The following GRK3 variants were observed in gnomAD, a reference collection of about 807,000 sequenced individuals.
GRK3 encodes G protein-coupled receptor kinase 3.
GRK3 carries 54 observed loss-of-function variants against 95.7 expected under a neutral mutation model. The ratio of observed to expected loss-of-function variants is 0.56; its 90% CI spans 0.45 to 0.71. The LOEUF (loss-of-function observed/expected upper bound fraction) is 0.71, where lower values mean the gene tolerates loss of function less well. Ranked by LOEUF, GRK3 falls within the 30% of genes least tolerant of loss-of-function variation. The pLI is 0.00. For missense variants in GRK3, 649 were observed against 851.2 expected (o/e 0.76, Z 2.96); for synonymous variants, 281 against 290.8 (o/e 0.97, Z 0.34).
At chr22:25,703,657 C>A (rs2085275629) in intron 14 of GRK3, 81 bp downstream of exon 14, 1 of 1,074,894 alleles carries the variant, frequency 9.3e-7, no homozygotes, top group South Asian at 1.5e-5. Flanking sequence ...AATGCTATTA[C>A]ATAAAATGTT....
chr22:25,703,478 T>C (rs1347526409), intron 13 of GRK3, 32 bp from the exon 14 acceptor site: 1 of 1,555,410 alleles, frequency 6.4e-7, no homozygotes, highest in East Asian at 2.2e-5. Flanking sequence ...CCTGATGCCA[T>C]ATTTTGATAG....
At chr22:25,593,951 C>T (rs1165348185) in intron 1 of GRK3, among the ~76,000 whole-genome samples, 1 of 152,056 alleles carries the variant, frequency 6.6e-6, no homozygotes, top group African/African-American at 2.4e-5. Context: ...TCTTCTATTC[C>T]ACTGGTCTGT....
At chr22:25,568,749 A>G (rs1931582252) in intron 1 of GRK3, among the ~76,000 whole-genome samples, 1 of 152,210 alleles carries the variant, frequency 6.6e-6, no homozygotes, top group Middle Eastern at 3.2e-3. Context: ...TGAAGATTTT[A>G]TTTAACCACA....
intron 15 of GRK3, among the ~76,000 whole-genome samples, chr22:25,707,660 T>C (rs2146459912): frequency 6.6e-6 from 1 of 152,294 alleles, no homozygotes; most frequent in South Asian, 2.1e-4. Context: ...GAATCAGTGC[T>C]CCCGTGATCC....
chr22:25,677,923 G>A (rs909399465), intron 8 of GRK3, among the ~76,000 whole-genome samples: 2 of 152,088 alleles, frequency 1.3e-5, no homozygotes, highest in African/African-American at 2.4e-5. Flanking sequence ...GTTTGTTCCA[G>A]GTTTTCAAAA....
intron 2 of GRK3, among the ~76,000 whole-genome samples, chr22:25,625,930 C>G (rs575611418): frequency 3.3e-5 from 5 of 152,342 alleles, no homozygotes; most frequent in African/African-American, 4.8e-5. Context: ...ACACTCTTTA[C>G]CCTGCCCTTT....
At chr22:25,621,736 T>C (rs1156991409) in intron 2 of GRK3, among the ~76,000 whole-genome samples, 1 of 152,240 alleles carries the variant, frequency 6.6e-6, no homozygotes, top group African/African-American at 2.4e-5. Context: ...ACCCTTAAAG[T>C]TGAGCCCAGC....
intron 2 of GRK3, among the ~76,000 whole-genome samples, chr22:25,609,628 C>A (rs2084480555): frequency 6.6e-6 from 1 of 152,024 alleles, no homozygotes; most frequent in African/African-American, 2.4e-5. Context: ...ATGTGCCCAG[C>A]CCCCAAATCG....
chr22:25,722,563 G>A lies in GRK3; in HGVS notation c.*113G>A, dbSNP rs939257050. 18 of 1,162,998 alleles carry A rather than the reference G, an allele frequency of 1.5e-5. No homozygotes were observed. The highest frequency in any genetic ancestry group is 1.6e-5 in the Non-Finnish European group (13 of 828,988). The allele number at this position is 1,162,998 out of a possible 1,614,324, so 72.0% of individuals were successfully genotyped here. A position where few individuals can be genotyped will look rare whatever the true frequency, so the allele number is the denominator to read the frequency against. On this transcript the variant is annotated 3_prime_UTR_variant, in exon 21 of 21. Coordinates refer to ENST00000324198, the MANE Select transcript of GRK3 (RefSeq NM_005160.4). ...GCTACCGGGACTCCTCCAGGCTCCC[G>A]AGAGGAGTCGGGACCCTTCGGCTTG...
At chr22:25,572,221 T>C (rs1601442795) in intron 1 of GRK3, among the ~76,000 whole-genome samples, 1 of 152,172 alleles carries the variant, frequency 6.6e-6, no homozygotes, top group Non-Finnish European at 1.5e-5. Flanking sequence ...TATTCCATGG[T>C]GTATATGTGC....
At chr22:25,654,239 A>C (rs1017812682) in intron 3 of GRK3, among the ~76,000 whole-genome samples, 3 of 152,234 alleles carry the variant, frequency 2.0e-5, no homozygotes, top group African/African-American at 7.2e-5. Context: ...AAATATATTT[A>C]AGAAATGATA....
chr22:25,704,670 C>G (rs2085286103), intron 15 of GRK3, among the ~76,000 whole-genome samples: 1 of 152,266 alleles, frequency 6.6e-6, no homozygotes, highest in Non-Finnish European at 1.5e-5. Flanking sequence ...CTTGGCCTCT[C>G]AAAGTGCTGG....
chr22:25,676,375 G>A (rs1324499308), intron 8 of GRK3, among the ~76,000 whole-genome samples: 2 of 152,114 alleles, frequency 1.3e-5, no homozygotes, highest in Admixed American at 6.5e-5. Context: ...AGAATATCTA[G>A]TCAGACACTT....
At chr22:25,629,735 G>T (rs549265243) in intron 2 of GRK3, among the ~76,000 whole-genome samples, 1 of 152,158 alleles carries the variant, frequency 6.6e-6, no homozygotes, top group Non-Finnish European at 1.5e-5. Context: ...AACACCCATG[G>T]AAAGTTTCAA....
intron 18 of GRK3, among the ~76,000 whole-genome samples, chr22:25,716,215 C>G: frequency 6.6e-6 from 1 of 152,082 alleles, no homozygotes; most frequent in East Asian, 1.9e-4. Context: ...GTCTTGAACT[C>G]CTGACCTCAT....
In GRK3 at chr22:25,714,452, C is replaced by T. The variant is rs749382880; in HGVS notation, c.1536C>T (p.Val512=). 1 of 1,613,432 alleles carries T rather than the reference C, an allele frequency of 6.2e-7. No individual in the cohort carries two copies. The highest frequency in any genetic ancestry group is 1.1e-5 in the South Asian group (1 of 90,802). ...DQELYKNFPL[V]ISERWQQEVT... Reference sequence around the variant, plus strand: ...AACTCTACAAGAACTTCCCTTTGGTCATCTCTGAACGCTGGCAGCAAGAAG... The same window carrying T: ...AACTCTACAAGAACTTCCCTTTGGTTATCTCTGAACGCTGGCAGCAAGAAG... Residue 512 remains valine (V), a synonymous_variant, in exon 18 of 21, where the codon GTC becomes GTT. Transcript: ENST00000324198.
chr22:25,631,052 T>C (rs887337947), intron 2 of GRK3, among the ~76,000 whole-genome samples: 2 of 151,626 alleles, frequency 1.3e-5, no homozygotes, highest in Non-Finnish European at 2.9e-5. Flanking sequence ...TTGATTTATG[T>C]TTATTTGCTC....
Position 25,727,884 on chromosome 22 carries a change from A to T in GRK3, c.*5434A>T, listed in dbSNP as rs2085486843. 1 of 152,200 alleles carries T rather than the reference A, an allele frequency of 6.6e-6. No individual in the cohort carries two copies. The highest frequency in any genetic ancestry group is 2.4e-5 in the African/African-American group (1 of 41,454). 9.4% of individuals were successfully genotyped at this position (152,200 alleles called of 1,614,324 possible). On this transcript the variant is annotated 3_prime_UTR_variant, in exon 21 of 21. Coordinates refer to ENST00000324198, the MANE Select transcript of GRK3 (RefSeq NM_005160.4). ...ATTATATGTGGTTTATAAGCTCAAC[A>T]CTGGCCATTTTTTTAGTTTTATTGT...
chr22:25,604,215 A>G (rs944209214), intron 1 of GRK3, among the ~76,000 whole-genome samples, 162 bp from the exon 2 acceptor site: 3 of 152,136 alleles, frequency 2.0e-5, no homozygotes, highest in Non-Finnish European at 2.9e-5. Context: ...AAGGCCATGA[A>G]GTTTCTGGCT....
Sources: gnomAD v4.1 joint callset for allele counts (sites outside exome capture counted in the v4.1 genomes callset) on GRCh38, gnomAD v4.1.1 for gene constraint, MANE v1.5 for transcripts, NCBI Gene and HGNC (gene_info 2026-07-23, HGNC 2026-07-21) for gene names.